MYOF: variants seen among roughly 807,000 people sequenced by gnomAD.
The protein encoded by MYOF is myoferlin.
In MYOF, 244 loss-of-function variants were observed where a neutral mutation model predicts 284.2. The ratio of observed to expected loss-of-function variants is 0.86; its 90% CI spans 0.77 to 0.95. The LOEUF is 0.95. MYOF is among the 40% of genes least tolerant of loss of function. The pLI is 0.00. For missense variants in MYOF, 2,496 were observed against 2,560.6 expected (o/e 0.97, Z 0.54); for synonymous variants, 904 against 919.7 (o/e 0.98, Z 0.31).
At chr10:93,406,569 C>CCA (rs1554855724) in intron 7 of MYOF, among the ~76,000 whole-genome samples, 3 of 93,666 alleles carry the variant, frequency 3.2e-5, no homozygotes, top group Admixed American at 1.3e-4. Flanking sequence ...CTCCTCCCCA[C>CCA]CCATCCAGTC....
At chr10:93,429,879 A>G (rs1468939041) in intron 4 of MYOF, among the ~76,000 whole-genome samples, 8 of 152,128 alleles carry the variant, frequency 5.3e-5, no homozygotes, top group African/African-American at 1.9e-4. Flanking sequence ...AAGCACATGC[A>G]CTAGAGAAAG....
At chr10:93,430,169 C>G (rs1468328839) in intron 4 of MYOF, among the ~76,000 whole-genome samples, 1 of 151,706 alleles carries the variant, frequency 6.6e-6, no homozygotes, top group African/African-American at 2.4e-5. Flanking sequence ...CTCCTGACCT[C>G]AAGATCCGCC....
At chr10:93,401,792 CGTGTGTGTGTGTGTGTGT>C (rs57326000) in intron 11 of MYOF, among the ~76,000 whole-genome samples, 2 of 94,386 alleles carry the variant, frequency 2.1e-5, no homozygotes, top group African/African-American at 6.3e-5. Flanking sequence ...AGAGCCTGTG[CGTGTGTGTGTGTGTGTGT>C]GTGTGTGTGT....
At chr10:93,318,090 A>G (rs1842693954) in intron 49 of MYOF, among the ~76,000 whole-genome samples, 1 of 152,172 alleles carries the variant, frequency 6.6e-6, no homozygotes, top group South Asian at 2.1e-4. Context: ...GATCCCCACC[A>G]TCAGCCCTGA....
intron 21 of MYOF, among the ~76,000 whole-genome samples, chr10:93,377,824 G>A (rs941446049): frequency 6.6e-6 from 1 of 152,148 alleles, no homozygotes; most frequent in African/African-American, 2.4e-5. Flanking sequence ...GGATAACAAA[G>A]GCCAGATTTC....
chr10:93,379,176 C>G (rs1169651274), intron 21 of MYOF, among the ~76,000 whole-genome samples: 2 of 152,080 alleles, frequency 1.3e-5, no homozygotes, highest in Non-Finnish European at 2.9e-5. Flanking sequence ...AAAAGAAGTT[C>G]CTCTAGTCTG....
At chr10:93,463,257 C>G (rs570552210) in intron 1 of MYOF, among the ~76,000 whole-genome samples, 8 of 152,164 alleles carry the variant, frequency 5.3e-5, no homozygotes, top group Non-Finnish European at 1.2e-4. Flanking sequence ...TGTGTCAGAA[C>G]CTTATTGAAA....
At chr10:93,409,552 A>C (rs201378311) in intron 6 of MYOF, 21 bp downstream of exon 6, 1,882 of 1,607,278 alleles carry the variant, frequency 1.2e-3, no homozygotes, top group Non-Finnish European at 1.5e-3. Context: ...ACAAAGAAGC[A>C]GAACGCCAGG....
intron 41 of MYOF, among the ~76,000 whole-genome samples, chr10:93,334,330 T>C (rs1564626811): frequency 6.6e-6 from 1 of 152,178 alleles, no homozygotes; most frequent in Non-Finnish European, 1.5e-5. Flanking sequence ...CAAACTCCTG[T>C]TTATCTTTCA....
chr10:93,316,294 C>T (rs1234326241), intron 50 of MYOF, among the ~76,000 whole-genome samples: 1 of 151,588 alleles, frequency 6.6e-6, no homozygotes, highest in Non-Finnish European at 1.5e-5. Context: ...AACTAGTGCC[C>T]TTACCACAGA....
chr10:93,309,044 G>T (rs973586194), intron 53 of MYOF, among the ~76,000 whole-genome samples: 11 of 152,112 alleles, frequency 7.2e-5, no homozygotes, highest in African/African-American at 2.2e-4. Context: ...TGGAGTAAGA[G>T]CTTTTGAATG....
chr10:93,428,683 TG>T (rs1422738702), intron 4 of MYOF, among the ~76,000 whole-genome samples: 1 of 152,038 alleles, frequency 6.6e-6, no homozygotes, highest in Non-Finnish European at 1.5e-5. Flanking sequence ...TCGTGTGTCT[TG>T]GAACTACTGC....
At chr10:93,403,196 A>G (rs1048477938) in intron 9 of MYOF, among the ~76,000 whole-genome samples, 4 of 152,138 alleles carry the variant, frequency 2.6e-5, no homozygotes, top group Non-Finnish European at 5.9e-5. Context: ...CTAAAGTCCC[A>G]GGCAAAGTGG....
At chr10:93,451,185 TAA>T (rs1030791566) in intron 3 of MYOF, among the ~76,000 whole-genome samples, 2 of 152,082 alleles carry the variant, frequency 1.3e-5, no homozygotes, top group African/African-American at 4.8e-5. Flanking sequence ...ACTAAAAATA[TAA>T]AAGTTAGCTG....
At chr10:93,345,532 C>A (rs892759755) in intron 37 of MYOF, among the ~76,000 whole-genome samples, 2 of 152,062 alleles carry the variant, frequency 1.3e-5, no homozygotes, top group Non-Finnish European at 2.9e-5. Flanking sequence ...CACGTGGCAC[C>A]CCTAGACCTG....
At position 93,411,441 on chromosome 10, in the gene MYOF, C is replaced by T. The variant is rs542976062; in HGVS notation, c.434-1702G>A. Among the ~76,000 whole-genome samples, 178 of 152,332 alleles carry T rather than the reference C, an allele frequency of 1.2e-3. 1 individual carries two copies. Among genetic ancestry groups the T allele is most frequent in the Non-Finnish European group, 2.2e-3 (149 of 68,028 alleles). On this transcript the variant is annotated intron_variant, in intron 5 of 53. Coordinates refer to ENST00000359263, the MANE Select transcript of MYOF (RefSeq NM_013451.4). The stretch of plus-strand genomic sequence containing the variant: ...CTGGCCCCGTGACCTAATCACCTCC[C>T]TAAAGGCCTCACTGCCTAATATCAT...
intron 41 of MYOF, 26 bp downstream of exon 41, chr10:93,335,895 A>G (rs1400939034): frequency 6.2e-7 from 1 of 1,607,192 alleles, no homozygotes; most frequent in South Asian, 1.1e-5. Flanking sequence ...TGGATTTTAA[A>G]CGGGACCAAC....
intron 4 of MYOF, among the ~76,000 whole-genome samples, chr10:93,430,747 A>AG (rs1229602204): frequency 6.6e-6 from 1 of 152,322 alleles, no homozygotes; most frequent in South Asian, 2.1e-4. Flanking sequence ...CTACACCTAG[A>AG]GGGGGTCACC....
chr10:93,384,185 G>A (rs1376219707), intron 19 of MYOF, among the ~76,000 whole-genome samples: 4 of 152,188 alleles, frequency 2.6e-5, no homozygotes, highest in Non-Finnish European at 4.4e-5. Context: ...GGCTACCCTC[G>A]ATGATTCAGG....
Sources: gnomAD v4.1 joint callset for allele counts (sites outside exome capture counted in the v4.1 genomes callset) on GRCh38, gnomAD v4.1.1 for gene constraint, MANE v1.5 for transcripts, NCBI Gene and HGNC (gene_info 2026-07-23, HGNC 2026-07-21) for gene names.